ITPR2: variants seen among roughly 807,000 people sequenced by gnomAD.
ITPR2 encodes inositol 1,4,5-trisphosphate-gated calcium channel ITPR2.
A neutral mutation model predicts 317.1 loss-of-function variants in ITPR2; 207 were observed. The observed-to-expected ratio is 0.65, with a 90% confidence interval of 0.58 to 0.73. The LOEUF (loss-of-function observed/expected upper bound fraction) is 0.73, where lower values mean the gene tolerates loss of function less well. Among genes scored for constraint, ITPR2 ranks in the 30% least tolerant of loss-of-function variants. The probability of loss-of-function intolerance (pLI) is 0.00; values close to 1 mark genes in which losing one functional copy is unlikely to be tolerated. For missense variants in ITPR2, 2,613 were observed against 3,284.0 expected, an observed-to-expected ratio of 0.80 and a Z score of 4.99; for synonymous variants, 1,156 against 1,149.1, an observed-to-expected ratio of 1.01 and a Z score of -0.12.
chr12:26,373,869 T>C (rs571820104), intron 55 of ITPR2: 11 of 152,332 alleles, frequency 7.2e-5, no homozygotes, highest in African/African-American at 2.6e-4. Flanking sequence ...AAATGTATTC[T>C]TTGGAAAATG....
chr12:26,567,980 A>AT (rs1945032170), intron 34 of ITPR2, among the ~76,000 whole-genome samples: 1 of 7,596 alleles, frequency 1.3e-4, no homozygotes, highest in African/African-American at 2.9e-4. Context: ...TATATATATT[A>AT]TATATATATA....
chr12:26,443,236 A>C (rs1438513238), intron 46 of ITPR2, among the ~76,000 whole-genome samples: 3 of 152,188 alleles, frequency 2.0e-5, no homozygotes, highest in Non-Finnish European at 4.4e-5. Context: ...GATGGCTTCT[A>C]TTATAATAAT....
At chr12:26,495,487 G>C (rs1942912369) in intron 37 of ITPR2, 1 of 443,082 alleles carries the variant, frequency 2.3e-6, no homozygotes, top group Admixed American at 3.9e-5. Context: ...CTTTTTGGAG[G>C]TGACGAACAG....
At chr12:26,563,694 C>T (rs1185688344) in intron 34 of ITPR2, among the ~76,000 whole-genome samples, 2 of 152,210 alleles carry the variant, frequency 1.3e-5, no homozygotes, top group East Asian at 3.8e-4. Flanking sequence ...CTGCTATACA[C>T]ACACATGCAC....
At chr12:26,405,272 T>G (rs1054436730) in intron 52 of ITPR2, among the ~76,000 whole-genome samples, 1 of 152,228 alleles carries the variant, frequency 6.6e-6, no homozygotes, top group African/African-American at 2.4e-5. Context: ...TATATACCTA[T>G]GAAGAACTTA....
chr12:26,713,726 T>C lies in ITPR2; in HGVS notation c.855+1573A>G, dbSNP rs547143208. On this transcript the variant is annotated intron_variant, in intron 8 of 56. Coordinates refer to ENST00000381340, the MANE Select transcript of ITPR2 (RefSeq NM_002223.4). ...CACATCAAATGCAGGTAACTCACTG[T>C]ATTTCATTAACAGAGTTTTAAATAA... 3.8e-4 allele frequency among the ~76,000 whole-genome samples: 58 copies of C among 152,388 alleles called. 1 individual carries two copies. Among genetic ancestry groups the C allele is most frequent in the Middle Eastern group, 3.4e-3 (1 of 294 alleles).
chr12:26,738,115 T>A (rs1263214253), intron 2 of ITPR2, among the ~76,000 whole-genome samples: 2 of 152,190 alleles, frequency 1.3e-5, no homozygotes, highest in Non-Finnish European at 2.9e-5. Context: ...GATTCTTTAA[T>A]CTCTGTAGAA....
intron 1 of ITPR2, among the ~76,000 whole-genome samples, chr12:26,827,328 T>C (rs562900383): frequency 1.3e-5 from 2 of 152,240 alleles, no homozygotes; most frequent in South Asian, 2.1e-4. Context: ...TTGCAACAAT[T>C]CAAGATTCAG....
Position 26,579,377 on chromosome 12 carries a change from T to C in ITPR2, c.4510-544A>G, listed in dbSNP as rs562262886. Among the ~76,000 whole-genome samples the C allele has an allele frequency of 5.3e-5, 8 of 152,310 alleles. No homozygotes were observed. In the South Asian group the frequency reaches 1.7e-3, roughly 32 times the overall value. On this transcript the variant is annotated intron_variant, in intron 33 of 56. Coordinates refer to ENST00000381340, the MANE Select transcript of ITPR2 (RefSeq NM_002223.4). Reference sequence around the variant, plus strand: ...GAAAATCATCAAGAATGCTACAACATAGAGATATAGTATCAATATTTGAAG... The same window carrying C: ...GAAAATCATCAAGAATGCTACAACACAGAGATATAGTATCAATATTTGAAG...
At chr12:26,369,737 G>A (rs1261853867) in intron 55 of ITPR2, among the ~76,000 whole-genome samples, 2 of 152,260 alleles carry the variant, frequency 1.3e-5, no homozygotes, top group East Asian at 1.9e-4. Flanking sequence ...TCACATCTGA[G>A]TTTAGGCTAA....
intron 2 of ITPR2, among the ~76,000 whole-genome samples, chr12:26,775,534 G>A (rs1004909580): frequency 1.3e-5 from 2 of 152,128 alleles, no homozygotes; most frequent in Admixed American, 1.3e-4. Context: ...TCTGGCCCAA[G>A]ATTATTGGGC....
intron 45 of ITPR2, among the ~76,000 whole-genome samples, chr12:26,465,721 G>A (rs1942155241): frequency 6.6e-6 from 1 of 152,122 alleles, no homozygotes; most frequent in Non-Finnish European, 1.5e-5. Flanking sequence ...TTGATGCAAT[G>A]TGGTTGTTTT....
chr12:26,399,442 T>C (rs1184109351), intron 53 of ITPR2, among the ~76,000 whole-genome samples: 2 of 152,234 alleles, frequency 1.3e-5, no homozygotes, highest in East Asian at 1.9e-4. Flanking sequence ...ATTTCTGGAG[T>C]AGGCTTTATT....
In ITPR2 at chr12:26,411,388, G is replaced by A. The variant is rs746719613; in HGVS notation, c.7331C>T (p.Thr2444Ile). The change falls in exon 52 of 57, where the codon ACT becomes ATT. Residue 2444 changes from threonine (T) to isoleucine (I), a missense_variant. Coordinates refer to ENST00000381340, the MANE Select transcript of ITPR2 (RefSeq NM_002223.4). Reference protein sequence around the residue: ...VTGSHQVPTMTLTTMMEACAK... With the variant: ...VTGSHQVPTMILTTMMEACAK... ...ACATGCTTCCATCATGGTAGTTAAA[G>A]TCATAGTAGGCACTTGATGACTGCC... 2 of 1,613,106 alleles carry A rather than the reference G, an allele frequency of 1.2e-6. No homozygotes were observed. The highest frequency in any genetic ancestry group is 2.2e-5 in the South Asian group (2 of 91,086).
chr12:26,568,006 T>TTATA (rs71069253), intron 34 of ITPR2, among the ~76,000 whole-genome samples: 27 of 7,510 alleles, frequency 3.6e-3, no homozygotes, highest in East Asian at 8.7e-3. Context: ...ATTATATATA[T>TTATA]TATATATATA....
intron 21 of ITPR2, among the ~76,000 whole-genome samples, chr12:26,640,855 CAT>C (rs1164318031): frequency 2.0e-5 from 3 of 152,174 alleles, no homozygotes; most frequent in African/African-American, 7.2e-5. Flanking sequence ...CTGAGATACT[CAT>C]ATGAGTAGCT....
At chr12:26,572,434 G>A (rs1341295344) in intron 34 of ITPR2, among the ~76,000 whole-genome samples, 1 of 152,156 alleles carries the variant, frequency 6.6e-6, no homozygotes, top group Non-Finnish European at 1.5e-5. Flanking sequence ...TTAAGGAAGG[G>A]AACTTTGAAA....
At chr12:26,620,735 G>T (rs1286978615) in intron 26 of ITPR2, among the ~76,000 whole-genome samples, 1 of 150,874 alleles carries the variant, frequency 6.6e-6, no homozygotes, top group East Asian at 1.9e-4. Flanking sequence ...ATAATGATAG[G>T]AATGAATTAC....
chr12:26,701,394 G>A (rs7310744), intron 9 of ITPR2, among the ~76,000 whole-genome samples: 96,378 of 151,944 alleles, frequency 0.63, 31,220 homozygotes, highest in Non-Finnish European at 0.7. Flanking sequence ...ATTTTTAAAT[G>A]ATTATATTTA....
Sources: allele counts gnomAD v4.1 joint callset (sites outside exome capture counted in the v4.1 genomes callset), GRCh38; gene constraint gnomAD v4.1.1; transcripts MANE v1.5; gene names NCBI Gene and HGNC (gene_info 2026-07-23, HGNC 2026-07-21).